DYNC1I1: variants seen among roughly 807,000 people sequenced by gnomAD.
DYNC1I1 encodes cytoplasmic dynein 1 intermediate chain 1.
In DYNC1I1, 43 loss-of-function variants were observed where a neutral mutation model predicts 86.6. The observed-to-expected ratio is 0.50, with a 90% CI of 0.39 to 0.64. The LOEUF is 0.64. Among genes scored for constraint, DYNC1I1 ranks in the 30% least tolerant of loss-of-function variants. The pLI is 0.00. For synonymous variants in DYNC1I1, 262 were observed against 283.7 expected, an observed-to-expected ratio of 0.92 and a Z score of 0.77; for missense variants, 604 against 788.8, an observed-to-expected ratio of 0.77 and a Z score of 2.81.
At chr7:96,034,201 C>T (rs1415093027) in intron 12 of DYNC1I1, among the ~76,000 whole-genome samples, 1 of 151,890 alleles carries the variant, frequency 6.6e-6, no homozygotes. Flanking sequence ...AATTGAAGTT[C>T]CACTATTTTC....
chr7:95,832,046 C>A (rs1043114973), intron 5 of DYNC1I1, among the ~76,000 whole-genome samples: 4 of 150,030 alleles, frequency 2.7e-5, no homozygotes, highest in Admixed American at 2.7e-4. Context: ...TATACATGTG[C>A]CATGCTGGTG....
At chr7:95,831,329 C>A (rs565363862) in intron 5 of DYNC1I1, among the ~76,000 whole-genome samples, 67 of 152,128 alleles carry the variant, frequency 4.4e-4, no homozygotes, top group African/African-American at 1.6e-3. Context: ...CACAATTCAC[C>A]TATGAAATCA....
chr7:95,795,260 T>C (rs779080245), intron 1 of DYNC1I1, among the ~76,000 whole-genome samples: 1 of 146,324 alleles, frequency 6.8e-6, no homozygotes, highest in Non-Finnish European at 1.5e-5. Flanking sequence ...AAAGCATTAT[T>C]TAATGAAAGT....
chr7:95,803,427 G>A (rs1303786156), intron 1 of DYNC1I1, among the ~76,000 whole-genome samples: 1 of 152,200 alleles, frequency 6.6e-6, no homozygotes. Flanking sequence ...ATCATGAGTG[G>A]CACAGATTGG....
chr7:95,917,002 AAGGATG>A (rs1773852076), intron 6 of DYNC1I1, among the ~76,000 whole-genome samples: 1 of 152,198 alleles, frequency 6.6e-6, no homozygotes, highest in South Asian at 2.1e-4. Context: ...GACCCACAGT[AAGGATG>A]AGTATGGTAG....
intron 16 of DYNC1I1, among the ~76,000 whole-genome samples, chr7:96,095,851 G>C (rs2116329731): frequency 6.6e-6 from 1 of 152,126 alleles, no homozygotes; most frequent in South Asian, 2.1e-4. Context: ...GAAGAATCGT[G>C]GAATATAGGA....
intron 1 of DYNC1I1, among the ~76,000 whole-genome samples, chr7:95,776,246 C>G (rs1793837141): frequency 6.6e-6 from 1 of 152,160 alleles, no homozygotes; most frequent in African/African-American, 2.4e-5. Flanking sequence ...ATATCCTGGA[C>G]TTGTGTTCCT....
At chr7:96,040,815 A>G (rs1197608572) in intron 14 of DYNC1I1, among the ~76,000 whole-genome samples, 1 of 149,834 alleles carries the variant, frequency 6.7e-6, no homozygotes, top group Non-Finnish European at 1.5e-5. Context: ...TCTGCCTCCC[A>G]GGTGCAAGTG....
At chr7:95,898,656 T>G (rs1327520168) in intron 6 of DYNC1I1, among the ~76,000 whole-genome samples, 1 of 152,228 alleles carries the variant, frequency 6.6e-6, no homozygotes, top group Middle Eastern at 3.2e-3. Context: ...AATTACTTCT[T>G]TATGCAAAGG....
Position 95,868,701 on chromosome 7 carries a change from A to G in DYNC1I1, c.375-1182A>G, listed in dbSNP as rs764136339. 1.2e-4 allele frequency among the ~76,000 whole-genome samples: 19 copies of G among 152,206 alleles called. 1 individual carries two copies. The highest frequency in any genetic ancestry group is 2.9e-5 in the Non-Finnish European group (2 of 68,042). ...TGTTTTAAAATACATATGTTTGTAA[A>G]TTATGTACATATGACTACATAATAT... is the stretch of plus-strand genomic sequence containing the variant. On this transcript the variant is annotated intron_variant, in intron 5 of 16. Transcript: ENST00000447467.
At chr7:95,943,621 T>C (rs111299970) in intron 6 of DYNC1I1, among the ~76,000 whole-genome samples, 66,526 of 106,288 alleles carry the variant, frequency 0.63, 22,293 homozygotes, top group East Asian at 0.87. Flanking sequence ...TGACTTCAAA[T>C]TATACTACAA....
intron 14 of DYNC1I1, among the ~76,000 whole-genome samples, chr7:96,049,751 G>A (rs932257171): frequency 2.6e-5 from 4 of 152,090 alleles, no homozygotes; most frequent in African/African-American, 9.7e-5. Context: ...CAGTATAGTG[G>A]TGGGGCACAG....
chr7:95,887,053 A>T (rs1488502), intron 6 of DYNC1I1, among the ~76,000 whole-genome samples: 5 of 152,186 alleles, frequency 3.3e-5, no homozygotes, highest in African/African-American at 1.2e-4. Context: ...CCTCGTGGGC[A>T]TAGGAGGTCC....
At chr7:95,968,499 A>G (rs1793075484) in intron 6 of DYNC1I1, among the ~76,000 whole-genome samples, 1 of 152,174 alleles carries the variant, frequency 6.6e-6, no homozygotes, top group Non-Finnish European at 1.5e-5. Context: ...AGTTAACATA[A>G]CACAATAACA....
At chr7:96,040,229 A>G (rs1175136609) in intron 14 of DYNC1I1, among the ~76,000 whole-genome samples, 1 of 151,946 alleles carries the variant, frequency 6.6e-6, no homozygotes, top group African/African-American at 2.4e-5. Context: ...GCCAGACTCC[A>G]TCTCAAAATT....
chr7:95,919,429 C>T (rs188848), intron 6 of DYNC1I1, among the ~76,000 whole-genome samples: 1 of 151,952 alleles, frequency 6.6e-6, no homozygotes, highest in Admixed American at 6.6e-5. Flanking sequence ...GAGTTAATCA[C>T]GTTTGATGTT....
intron 14 of DYNC1I1, among the ~76,000 whole-genome samples, chr7:96,052,807 G>A (rs1424857514): frequency 6.6e-6 from 1 of 152,150 alleles, no homozygotes; most frequent in African/African-American, 2.4e-5. Flanking sequence ...CCATGCGATG[G>A]AGTGTAGACT....
At position 95,828,955 on chromosome 7, in the gene DYNC1I1, G is replaced by A. The variant is rs367624198; in HGVS notation, c.374+839G>A. On this transcript the variant is annotated intron_variant, in intron 5 of 16. Coordinates refer to ENST00000447467, the MANE Select transcript of DYNC1I1 (RefSeq NM_001135556.2). ...GTTAAATCAGCTGGAAATCAGCCAC[G>A]GTGGAAGTATTTACACCACAGAAAT... Among the ~76,000 whole-genome samples, 20 of 152,210 alleles carry A rather than the reference G, an allele frequency of 1.3e-4. 1 individual carries two copies. In the East Asian group the frequency reaches 3.1e-3, roughly 24 times the overall value.
intron 7 of DYNC1I1, among the ~76,000 whole-genome samples, chr7:95,979,041 G>T (rs749672432): frequency 2.0e-5 from 3 of 152,120 alleles, no homozygotes; most frequent in African/African-American, 7.2e-5. Flanking sequence ...TGATCCACCC[G>T]CCTTAGCCTC....
Sources: allele counts gnomAD v4.1 joint callset (sites outside exome capture counted in the v4.1 genomes callset), GRCh38; gene constraint gnomAD v4.1.1; transcripts MANE v1.5; gene names NCBI Gene and HGNC (gene_info 2026-07-23, HGNC 2026-07-21).